Variants in NTNG2 observed in about 807,000 individuals in gnomAD.
The protein encoded by NTNG2 is netrin-G2.
A neutral mutation model predicts 47.6 loss-of-function variants in NTNG2; 15 were observed. That is an observed-to-expected ratio of 0.32 (90% CI 0.21 to 0.49). NTNG2 has a LOEUF of 0.49. Ranked by LOEUF, NTNG2 falls within the 20% of genes least tolerant of loss-of-function variation. NTNG2 has a pLI of 0.99. For synonymous variants in NTNG2, 307 were observed against 324.6 expected, an observed-to-expected ratio of 0.95 and a Z score of 0.58; for missense variants, 578 against 764.6, an observed-to-expected ratio of 0.76 and a Z score of 2.88.
rs889406537 is a variant in NTNG2, at chr9:132,198,529, G to A, written c.777G>A (p.Pro259=). 3.1e-6 allele frequency: 5 copies of A among 1,612,958 alleles called. No individual in the cohort carries two copies. Among genetic ancestry groups the A allele is most frequent in the African/African-American group, 2.7e-5 (2 of 74,936 alleles). Residue 259 remains proline (P), a synonymous_variant, in exon 3 of 8, where the codon CCG becomes CCA. Transcript: ENST00000393229. The stretch of plus-strand genomic sequence containing the variant: ...ACCTGCGCATGCGGCTGCTGCGCCC[G>A]GCGCTGGGCGGCACCTATGTGCAGC... The part of the protein sequence containing the change: ...LTDLRMRLLR[P]ALGGTYVQRE...
intron 2 of NTNG2, among the ~76,000 whole-genome samples, chr9:132,192,460 G>A (rs1371528202): frequency 3.3e-5 from 5 of 152,098 alleles, no homozygotes; most frequent in African/African-American, 4.8e-5. Context: ...GCGTGGTGGC[G>A]CACGCCTGTA....
At chr9:132,170,033 G>C (rs1239270655) in intron 2 of NTNG2, among the ~76,000 whole-genome samples, 1 of 152,190 alleles carries the variant, frequency 6.6e-6, no homozygotes, top group Non-Finnish European at 1.5e-5. Context: ...CCTTGCCATC[G>C]CCCATGGGTC....
chr9:132,216,040 G>A (rs972991650), intron 3 of NTNG2, among the ~76,000 whole-genome samples: 3 of 152,106 alleles, frequency 2.0e-5, no homozygotes, highest in Admixed American at 1.3e-4. Context: ...ACAGGACACC[G>A]ACTGATTCCC....
intron 3 of NTNG2, among the ~76,000 whole-genome samples, chr9:132,209,417 G>A (rs982828620): frequency 1.3e-5 from 2 of 152,232 alleles, no homozygotes; most frequent in East Asian, 3.9e-4. Context: ...TGACGATGAC[G>A]CCCGCCGTGG....
intron 5 of NTNG2, among the ~76,000 whole-genome samples, chr9:132,238,310 A>C (rs1057170839): frequency 2.0e-5 from 3 of 151,988 alleles, no homozygotes; most frequent in African/African-American, 7.3e-5. Flanking sequence ...TGGTCCTTGG[A>C]GCGGAGCTGG....
Position 132,215,769 on chromosome 9 carries a change from G to C in NTNG2, c.858-11080G>C, listed in dbSNP as rs1839925450. Among the ~76,000 whole-genome samples, 1 of 152,096 alleles carries C rather than the reference G, an allele frequency of 6.6e-6. No homozygotes were observed. Among genetic ancestry groups the C allele is most frequent in the Admixed American group, 6.5e-5 (1 of 15,268 alleles). On this transcript the variant is annotated intron_variant, in intron 3 of 7. Coordinates refer to ENST00000393229, the MANE Select transcript of NTNG2 (RefSeq NM_032536.4). This position sits in a 1 kb window ranked among gnomAD's most constrained non-coding sequence, Gnocchi z 4.2. ...TGTTGGACGGGACAGCATGAATAAG[G>C]GGCCCTGCCCTTGGGGTCAGGCACC...
chr9:132,233,980 C>A (rs1841435428), intron 5 of NTNG2: 1 of 151,696 alleles, frequency 6.6e-6, no homozygotes, highest in Non-Finnish European at 1.5e-5. Flanking sequence ...CTCAGCCACC[C>A]AAAGCTATTG....
At chr9:132,219,295 G>A (rs1009657621) in intron 3 of NTNG2, among the ~76,000 whole-genome samples, 3 of 151,846 alleles carry the variant, frequency 2.0e-5, no homozygotes, top group African/African-American at 7.3e-5. Flanking sequence ...CAAGATGGCT[G>A]GGCACGGTGC....
At chr9:132,212,575 A>G (rs1285753903) in intron 3 of NTNG2, among the ~76,000 whole-genome samples, 1 of 151,920 alleles carries the variant, frequency 6.6e-6, no homozygotes, top group Non-Finnish European at 1.5e-5. Flanking sequence ...CAGGCGACCA[A>G]CCCAGACCAC....
At chr9:132,204,730 G>A (rs1464783650) in intron 3 of NTNG2, among the ~76,000 whole-genome samples, 1 of 152,162 alleles carries the variant, frequency 6.6e-6, no homozygotes, top group Non-Finnish European at 1.5e-5. Flanking sequence ...TATCCTGTGA[G>A]GATCATTGTC....
Position 132,182,246 on chromosome 9 carries a change from G to T in NTNG2, c.213+15202G>T, listed in dbSNP as rs1282410380. 6.6e-6 allele frequency among the ~76,000 whole-genome samples: 1 copy of T among 152,226 alleles called. No homozygotes were observed. The highest frequency in any genetic ancestry group is 1.5e-5 in the Non-Finnish European group (1 of 68,050). The stretch of plus-strand genomic sequence containing the variant: ...GAACCTGATTGTTTTTCTGGGGAAG[G>T]AGTGGGGGAAAAAATTGCACCCAAC... On this transcript the variant is annotated intron_variant, in intron 2 of 7. Coordinates refer to ENST00000393229, the MANE Select transcript of NTNG2 (RefSeq NM_032536.4). The surrounding 1 kb of genome is among the most constrained non-coding windows in gnomAD (Gnocchi z 4.2).
chr9:132,239,087 C>T lies in NTNG2; in HGVS notation c.1055-17C>T, dbSNP rs752537539. ...TGCTCGCTGACCATTGGTATTTCTC[C>T]CACTTGGCCGGCCCAGACTGCGAAT... On this transcript the variant is annotated splice_polypyrimidine_tract_variant and intron_variant, in intron 5 of 7. Coordinates refer to ENST00000393229, the MANE Select transcript of NTNG2 (RefSeq NM_032536.4). 3 of 1,608,160 alleles carry T rather than the reference C, an allele frequency of 1.9e-6. No individual in the cohort carries two copies. In the Admixed American group the frequency reaches 5.0e-5, roughly 27 times the overall value.
rs984931281 is a variant in NTNG2, at chr9:132,240,719, T to C, written c.1223-191T>C. ...TTGATCCCAAGGAAGGAAGCCAGAGTCTTCTCTCCAGGCCTGGCCACCCTG... is the reference window on the plus strand; with the variant it reads ...TTGATCCCAAGGAAGGAAGCCAGAGCCTTCTCTCCAGGCCTGGCCACCCTG... On this transcript the variant is annotated intron_variant, in intron 6 of 7. Transcript: ENST00000393229. 9.8e-6 allele frequency: 7 copies of C among 714,944 alleles called. No individual in the cohort carries two copies. The Admixed American group carries it at 1.1e-4, about 11-fold the overall frequency. The allele number at this position is 714,944 out of a possible 1,614,324, so 44.3% of individuals were successfully genotyped here.
chr9:132,227,618 G>A (rs1205782753), intron 4 of NTNG2, among the ~76,000 whole-genome samples: 2 of 152,142 alleles, frequency 1.3e-5, no homozygotes, highest in South Asian at 2.1e-4. Flanking sequence ...CTGAGCTTCC[G>A]TTATCCCTTT....
chr9:132,219,761 G>A (rs1840232327), intron 3 of NTNG2, among the ~76,000 whole-genome samples: 1 of 152,138 alleles, frequency 6.6e-6, no homozygotes, highest in Non-Finnish European at 1.5e-5. Flanking sequence ...TTCTGTTGAT[G>A]GATATTGGGT....
chr9:132,178,786 CAAAAAAAA>C (rs57942639), intron 2 of NTNG2, among the ~76,000 whole-genome samples: 2 of 93,560 alleles, frequency 2.1e-5, no homozygotes, highest in Non-Finnish European at 5.0e-5. Context: ...ACTAAAAATA[CAAAAAAAA>C]AAAAAAAAAA....
chr9:132,225,881 G>A (rs747827318), intron 3 of NTNG2, among the ~76,000 whole-genome samples: 3 of 152,126 alleles, frequency 2.0e-5, no homozygotes, highest in Admixed American at 2.0e-4. Flanking sequence ...GAGTTTCCTC[G>A]AGTCCAGATC....
chr9:132,167,774 C>A lies in NTNG2; in HGVS notation c.213+730C>A, dbSNP rs1372890522. Among the ~76,000 whole-genome samples, 4 of 152,186 alleles carry A rather than the reference C, an allele frequency of 2.6e-5. No individual in the cohort carries two copies. In the East Asian group the frequency reaches 7.7e-4, roughly 29 times the overall value. On this transcript the variant is annotated intron_variant, in intron 2 of 7. Coordinates refer to ENST00000393229, the MANE Select transcript of NTNG2 (RefSeq NM_032536.4). ...TTCAGTACTCAAGTAATGTTAACAGCAACAACAACAGCAGAGATGGTTGCG... is the reference window on the plus strand; with the variant it reads ...TTCAGTACTCAAGTAATGTTAACAGAAACAACAACAGCAGAGATGGTTGCG...
intron 7 of NTNG2, among the ~76,000 whole-genome samples, chr9:132,241,255 T>G (rs1311133605): frequency 7.7e-4 from 45 of 58,178 alleles, no homozygotes; most frequent in African/African-American, 9.7e-4. Flanking sequence ...GGGCAGTGGG[T>G]GGGGCCTAGT....
Sources: allele counts gnomAD v4.1 joint callset (sites outside exome capture counted in the v4.1 genomes callset), GRCh38; gene constraint gnomAD v4.1.1; non-coding constraint Gnocchi (gnomAD v3.1); transcripts MANE v1.5; gene names NCBI Gene and HGNC (gene_info 2026-07-23, HGNC 2026-07-21).